CCNY: variants seen among roughly 807,000 people sequenced by gnomAD.
The protein encoded by CCNY is cyclin-Y.
In CCNY, 19 loss-of-function variants were observed where a neutral mutation model predicts 42.8. The ratio of observed to expected loss-of-function variants is 0.44; its 90% CI spans 0.31 to 0.65. The LOEUF is 0.65. Ranked by LOEUF, CCNY falls within the 30% of genes least tolerant of loss-of-function variation. The pLI is 0.07. For missense variants in CCNY, 370 were observed against 437.3 expected (o/e 0.85, Z 1.37); for synonymous variants, 165 against 162.7 (o/e 1.01, Z -0.11).
At chr10:35,279,027 C>T (rs929657825) in intron 3 of CCNY, among the ~76,000 whole-genome samples, 2 of 151,698 alleles carry the variant, frequency 1.3e-5, no homozygotes, top group South Asian at 2.1e-4. Context: ...GGGCTCAGTG[C>T]GGCTCTCCAG....
chr10:35,528,518 A>G (rs944444061), intron 5 of CCNY, among the ~76,000 whole-genome samples: 1 of 152,182 alleles, frequency 6.6e-6, no homozygotes, highest in African/African-American at 2.4e-5. Context: ...CCTGGCCAAC[A>G]TGCTGAAACT....
chr10:35,290,265 A>ACACACAC (rs1405052578), intron 3 of CCNY, among the ~76,000 whole-genome samples: 25 of 50,156 alleles, frequency 5.0e-4, no homozygotes, highest in African/African-American at 1.5e-3. Context: ...CACACACACA[A>ACACACAC]AATTAGCTGG....
At chr10:35,425,202 T>TTTCCCAC (rs1825952302) in intron 1 of CCNY, among the ~76,000 whole-genome samples, 1 of 152,242 alleles carries the variant, frequency 6.6e-6, no homozygotes, top group Non-Finnish European at 1.5e-5. Flanking sequence ...GCAGTTCCCA[T>TTTCCCAC]TTCCCACAGC....
At chr10:35,263,590 A>T (rs1353125323) in intron 3 of CCNY, among the ~76,000 whole-genome samples, 1 of 151,920 alleles carries the variant, frequency 6.6e-6, no homozygotes, top group Non-Finnish European at 1.5e-5. Context: ...AGGAGAGAGG[A>T]AAGGAAAGGG....
chr10:35,426,062 G>A (rs1838258517), intron 1 of CCNY, among the ~76,000 whole-genome samples: 1 of 148,988 alleles, frequency 6.7e-6, no homozygotes. Context: ...CTGGGTTCCT[G>A]TCCAAATTAA....
chr10:35,365,579 C>A (rs1364813367), intron 1 of CCNY, among the ~76,000 whole-genome samples: 1 of 152,126 alleles, frequency 6.6e-6, no homozygotes, highest in Non-Finnish European at 1.5e-5. Flanking sequence ...TTTTGGTTAA[C>A]TTTGATGGGT....
intron 3 of CCNY, among the ~76,000 whole-genome samples, chr10:35,292,757 A>ATCC (rs1255610376): frequency 7.0e-6 from 1 of 142,266 alleles, no homozygotes; most frequent in Admixed American, 7.1e-5. Context: ...GCCTAATGTT[A>ATCC]TCCTGTAAGA....
chr10:35,494,895 T>C (rs1839976726), intron 2 of CCNY, among the ~76,000 whole-genome samples: 1 of 152,200 alleles, frequency 6.6e-6, no homozygotes, highest in African/African-American at 2.4e-5. Context: ...AGTGATTGTC[T>C]CTGGATTGTT....
chr10:35,519,776 CTTTTTTT>C (rs1177122335), intron 4 of CCNY, among the ~76,000 whole-genome samples: 86 of 74,658 alleles, frequency 1.2e-3, no homozygotes, highest in Admixed American at 1.9e-3. Flanking sequence ...CTTTTCTTTT[CTTTTTTT>C]TTTTTTTTTT....
exon 2 of CCNY, chr10:35,248,174 G>C (rs1296121618): frequency 6.6e-6 from 1 of 152,278 alleles, no homozygotes; most frequent in African/African-American, 2.4e-5. Context: ...AGCTGAACTG[G>C]GACTAGAAGT....
At chr10:35,361,026 A>G (rs1315697151) in intron 1 of CCNY, among the ~76,000 whole-genome samples, 26 of 151,992 alleles carry the variant, frequency 1.7e-4, no homozygotes, top group Admixed American at 1.7e-3. Context: ...ATGCCCAGCT[A>G]ATTTTTGTAT....
intron 1 of CCNY, among the ~76,000 whole-genome samples, chr10:35,356,249 GTTTTCA>G: frequency 6.6e-6 from 1 of 152,312 alleles, no homozygotes; most frequent in East Asian, 1.9e-4. Context: ...TAGTTGGGTA[GTTTTCA>G]TTTTTGTTCT....
intron 4 of CCNY, among the ~76,000 whole-genome samples, chr10:35,521,912 G>A (rs7067539): frequency 0.031 from 4,785 of 152,212 alleles, 235 homozygotes; most frequent in African/African-American, 0.11. Flanking sequence ...AAGCTGAGGA[G>A]TGCTGCAAAA....
At chr10:35,449,246 G>T (rs1468842591) in intron 1 of CCNY, among the ~76,000 whole-genome samples, 1 of 146,828 alleles carries the variant, frequency 6.8e-6, no homozygotes, top group Admixed American at 6.8e-5. Context: ...CAGCAGAGGT[G>T]TGTGTGAGAA....
rs1328531369 is a variant in CCNY, at chr10:35,569,375, T to G, written c.*205T>G. ...GGAGATCCCAGCTCGCTCTCCCCAC[T>G]GTCAGCAACAGCACTTCCTTCGTGG... On this transcript the variant is annotated 3_prime_UTR_variant, in exon 10 of 10. Transcript: ENST00000374704. The G allele has an allele frequency of 1.8e-6, 1 of 570,652 alleles. No individual in the cohort carries two copies. Among genetic ancestry groups the G allele is most frequent in the Non-Finnish European group, 3.1e-6 (1 of 318,760 alleles). 35.3% of individuals were successfully genotyped at this position (570,652 alleles called of 1,614,324 possible).
rs1159097997 is a variant in CCNY at position 35,304,304 on chromosome 10, T to TA, written c.-9+53678_-9+53679insA. ...CTTTTTTCTCCTTTTATTTTTTTTTTTTTTTTATTTTTTATTTTTTTTTGA... is the reference window on the plus strand; with the variant it reads ...CTTTTTTCTCCTTTTATTTTTTTTTTATTTTTTATTTTTTATTTTTTTTTGA... On this transcript the variant is annotated intron_variant, in intron 3 of 11. Transcript: ENST00000374706. Among the ~76,000 whole-genome samples the TA allele has an allele frequency of 1.2e-4, 6 of 52,076 alleles. 3 individuals are homozygous for TA. Among genetic ancestry groups the TA allele is most frequent in the African/African-American group, 7.9e-4 (6 of 7,596 alleles). 34.2% of individuals were successfully genotyped at this position (52,076 alleles called of 152,430 possible).
chr10:35,314,865 C>T (rs1244202816), intron 3 of CCNY: 2 of 151,996 alleles, frequency 1.3e-5, no homozygotes, highest in Non-Finnish European at 2.9e-5. Context: ...GGTGGATCAC[C>T]TGAGGTCGGG....
intron 1 of CCNY, among the ~76,000 whole-genome samples, chr10:35,435,037 C>A (rs1838497970): frequency 6.6e-6 from 1 of 152,158 alleles, no homozygotes; most frequent in Non-Finnish European, 1.5e-5. Flanking sequence ...ATGAGGAAAC[C>A]CAAAGCCCCC....
chr10:35,305,873 A>C (rs1430101449), intron 3 of CCNY, among the ~76,000 whole-genome samples: 1 of 152,148 alleles, frequency 6.6e-6, no homozygotes, highest in East Asian at 1.9e-4. Context: ...ACCCCTTGTA[A>C]GACTTCACAG....
Sources: gnomAD v4.1 joint callset for allele counts (sites outside exome capture counted in the v4.1 genomes callset) on GRCh38, gnomAD v4.1.1 for gene constraint, MANE v1.5 for transcripts, NCBI Gene and HGNC (gene_info 2026-07-23, HGNC 2026-07-21) for gene names.